CLRN1: variants seen among roughly 807,000 people sequenced by gnomAD.
CLRN1 encodes the protein clarin 1.
A neutral mutation model predicts 18.7 loss-of-function variants in CLRN1; 15 were observed. The observed-to-expected ratio is 0.80, with a 90% CI of 0.54 to 1.23. The LOEUF (loss-of-function observed/expected upper bound fraction) is 1.23, where lower values mean the gene tolerates loss of function less well. CLRN1 is among the 50% of genes most tolerant of loss of function. The probability of loss-of-function intolerance (pLI) is 0.00; values close to 1 mark genes in which losing one functional copy is unlikely to be tolerated. For missense variants in CLRN1, 311 were observed against 277.5 expected (o/e 1.12, Z -0.86); for synonymous variants, 104 against 102.9 (o/e 1.01, Z -0.07).
intron 1 of CLRN1, among the ~76,000 whole-genome samples, chr3:150,956,090 G>A (rs553545203): frequency 7.9e-5 from 12 of 152,072 alleles, no homozygotes; most frequent in Admixed American, 3.3e-4. Flanking sequence ...TTTGCCAAAC[G>A]GATGCCCTGC....
intron 1 of CLRN1, among the ~76,000 whole-genome samples, chr3:150,963,197 A>C (rs1419114024): frequency 1.3e-5 from 2 of 152,248 alleles, no homozygotes; most frequent in Admixed American, 6.5e-5. Flanking sequence ...CCTTAAGCTG[A>C]TAAGCAACTT....
At chr3:150,969,715 A>C (rs1235222765) in intron 1 of CLRN1, among the ~76,000 whole-genome samples, 2 of 152,156 alleles carry the variant, frequency 1.3e-5, no homozygotes, top group Non-Finnish European at 2.9e-5. Context: ...CAGAACTGAA[A>C]TATAAATTCC....
chr3:150,938,196 G>A (rs1713605746), intron 2 of CLRN1, among the ~76,000 whole-genome samples: 1 of 152,180 alleles, frequency 6.6e-6, no homozygotes, highest in African/African-American at 2.4e-5. Context: ...ACTGCCACCT[G>A]GGCAGCACAC....
rs892453265 is a variant in CLRN1, at chr3:150,943,679, C to A, written c.254-1918G>T. The A allele has an allele frequency of 7.2e-6, 10 of 1,380,756 alleles. No homozygotes were observed. The African/African-American group carries it at 1.4e-4, about 20-fold the overall frequency. 85.5% of individuals were successfully genotyped at this position (1,380,756 alleles called of 1,614,324 possible). A position where few individuals can be genotyped will look rare whatever the true frequency, so the allele number is the denominator to read the frequency against. On this transcript the variant is annotated intron_variant, in intron 1 of 2. Coordinates refer to ENST00000327047, the MANE Select transcript of CLRN1 (RefSeq NM_174878.3). Reference sequence around the variant, plus strand: ...AAAGACTGTCACCCTGGCCCTTTGCCCTCACAGGCAGAGGGCAGCCACCCT... The same window carrying A: ...AAAGACTGTCACCCTGGCCCTTTGCACTCACAGGCAGAGGGCAGCCACCCT...
chr3:150,946,265 G>A (rs1342250592), intron 1 of CLRN1, among the ~76,000 whole-genome samples: 1 of 152,178 alleles, frequency 6.6e-6, no homozygotes, highest in African/African-American at 2.4e-5. Context: ...ACAGCCCTAT[G>A]AGGTAGGTAC....
chr3:150,963,521 A>T (rs1715125943), intron 1 of CLRN1, among the ~76,000 whole-genome samples: 1 of 152,226 alleles, frequency 6.6e-6, no homozygotes, highest in African/African-American at 2.4e-5. Context: ...TGCTTTTCCC[A>T]TCAAGCTACC....
In CLRN1 at chr3:150,938,966, C is replaced by T. The variant is rs570297335; in HGVS notation, c.433+2616G>A. Reference sequence around the variant, plus strand: ...GCTTTTCAAATGCTGTTAGTTTGGTCGTCTGTCAGAACTGTCAAATAATTT... The same window carrying T: ...GCTTTTCAAATGCTGTTAGTTTGGTTGTCTGTCAGAACTGTCAAATAATTT... On this transcript the variant is annotated intron_variant, in intron 2 of 2. Transcript: ENST00000327047. Among the ~76,000 whole-genome samples, 6 of 152,298 alleles carry T rather than the reference C, an allele frequency of 3.9e-5. No individual in the cohort carries two copies. In the East Asian group the frequency reaches 7.7e-4, roughly 20 times the overall value.
At chr3:150,945,496 T>C (rs1714114285) in intron 1 of CLRN1, 1 of 1,285,050 alleles carries the variant, frequency 7.8e-7, no homozygotes, top group African/African-American at 1.5e-5. Context: ...TTGCCACCGC[T>C]GGATGTAATT....
intron 1 of CLRN1, among the ~76,000 whole-genome samples, chr3:150,947,435 A>C (rs1401787439): frequency 6.6e-6 from 1 of 152,222 alleles, no homozygotes; most frequent in Non-Finnish European, 1.5e-5. Flanking sequence ...ATAAAGAGAC[A>C]TAGACTCCCA....
intron 1 of CLRN1, among the ~76,000 whole-genome samples, chr3:150,967,284 G>C (rs1265621080): frequency 6.6e-6 from 1 of 152,162 alleles, no homozygotes; most frequent in African/African-American, 2.4e-5. Flanking sequence ...CAAACATCAA[G>C]GTCTGGGAAG....
chr3:150,926,945 A>C lies in CLRN1; in HGVS notation c.*991T>G, dbSNP rs767552151. The C allele has an allele frequency of 6.2e-7, 1 of 1,612,472 alleles. No homozygotes were observed. The highest frequency in any genetic ancestry group is 1.3e-5 in the African/African-American group (1 of 75,010). ...TGGGTCATGCTTGGTGACAGCCAGA[A>C]CAAGACCAAGATGATACAGTGATAC... is the stretch of plus-strand genomic sequence containing the variant. On this transcript the variant is annotated 3_prime_UTR_variant, in exon 3 of 3. Transcript: ENST00000327047.
At chr3:150,935,009 T>C (rs1713378008) in intron 2 of CLRN1, among the ~76,000 whole-genome samples, 1 of 152,130 alleles carries the variant, frequency 6.6e-6, no homozygotes, top group Non-Finnish European at 1.5e-5. Context: ...CTCCCAGTTT[T>C]CCTTTTTCCT....
rs1000226824 is a variant in CLRN1, at chr3:150,940,589, G to A, written c.433+993C>T. On this transcript the variant is annotated intron_variant, in intron 2 of 2. Transcript: ENST00000327047. ...TGTTTGCTTTGTGTGAGTTGTTATC[G>A]TTCTGTATCCCTCCATGAAACCATC... 95 of 1,399,972 alleles carry A rather than the reference G, an allele frequency of 6.8e-5. No individual in the cohort carries two copies. In the African/African-American group the frequency reaches 8.1e-4, roughly 12 times the overall value. The allele number at this position is 1,399,972 out of a possible 1,614,324, so 86.7% of individuals were successfully genotyped here.
chr3:150,939,812 C>T (rs1576630290), intron 2 of CLRN1, among the ~76,000 whole-genome samples: 1 of 152,166 alleles, frequency 6.6e-6, no homozygotes, highest in African/African-American at 2.4e-5. Context: ...AATCCCAACT[C>T]TCTCTTCTCA....
intron 1 of CLRN1, among the ~76,000 whole-genome samples, chr3:150,966,537 G>A (rs551946660): frequency 3.3e-5 from 5 of 152,170 alleles, no homozygotes; most frequent in South Asian, 4.1e-4. Context: ...TCAATAATAC[G>A]ATCTCATTTA....
At chr3:150,970,301 T>C (rs1369226821) in intron 1 of CLRN1, among the ~76,000 whole-genome samples, 1 of 152,176 alleles carries the variant, frequency 6.6e-6, no homozygotes, top group African/African-American at 2.4e-5. Flanking sequence ...ACATTCTGAA[T>C]GGAAAAAACG....
In CLRN1 at chr3:150,956,261, C is replaced by T. The variant is rs748105615; in HGVS notation, c.254-14500G>A. Among the ~76,000 whole-genome samples the T allele has an allele frequency of 3.2e-4, 49 of 152,114 alleles. 1 individual carries two copies. The highest frequency in any genetic ancestry group is 1.2e-4 in the Non-Finnish European group (8 of 68,020). ...GAAAGGGATTACTTCGGTAATGGTGCTTTCTAAAAGAATGCTAGTTGTGGT... is the reference window on the plus strand; with the variant it reads ...GAAAGGGATTACTTCGGTAATGGTGTTTTCTAAAAGAATGCTAGTTGTGGT... On this transcript the variant is annotated intron_variant, in intron 1 of 2. Transcript: ENST00000327047.
chr3:150,938,593 T>A (rs1039735192), intron 2 of CLRN1, among the ~76,000 whole-genome samples: 5 of 152,198 alleles, frequency 3.3e-5, no homozygotes, highest in African/African-American at 1.2e-4. Context: ...GTAACGGTTT[T>A]TTTTTTAGTT....
At chr3:150,957,300 A>T (rs1416517620) in intron 1 of CLRN1, among the ~76,000 whole-genome samples, 1 of 151,494 alleles carries the variant, frequency 6.6e-6, no homozygotes, top group African/African-American at 2.4e-5. Flanking sequence ...GGCCTTAGGG[A>T]TCCTGTGGCT....
Sources: gnomAD v4.1 joint callset for allele counts (sites outside exome capture counted in the v4.1 genomes callset) on GRCh38, gnomAD v4.1.1 for gene constraint, MANE v1.5 for transcripts, NCBI Gene and HGNC (gene_info 2026-07-23, HGNC 2026-07-21) for gene names.